Variants in DDX11 observed in about 807,000 individuals in gnomAD.
DDX11 encodes ATP-dependent DNA helicase DDX11.
Under a neutral mutation model 125.2 loss-of-function variants are expected in DDX11, and 72 were observed. That is an observed-to-expected ratio of 0.58 (90% confidence interval 0.48 to 0.70). The LOEUF is 0.70. Ranked by LOEUF, DDX11 falls within the 30% of genes least tolerant of loss-of-function variation. The pLI, the probability that DDX11 is intolerant of heterozygous loss-of-function variation, is 0.00. For missense variants in DDX11, 883 were observed against 1,165.0 expected, an observed-to-expected ratio of 0.76 and a Z score of 3.52; for synonymous variants, 347 against 452.6, an observed-to-expected ratio of 0.77 and a Z score of 2.96.
At chr12:31,094,439 G>A (rs1404042490) in intron 12 of DDX11, 151 bp from the exon 13 acceptor site, 19 of 1,430,914 alleles carry the variant, frequency 1.3e-5, no homozygotes, top group African/African-American at 7.1e-5. Context: ...CAGTGGGTCC[G>A]TTGCATGCTA....
chr12:31,077,422 G>A (rs1224566076), intron 1 of DDX11, among the ~76,000 whole-genome samples: 1 of 152,122 alleles, frequency 6.6e-6, no homozygotes, highest in Non-Finnish European at 1.5e-5. Flanking sequence ...TGTGAAGAGA[G>A]CTCTCCTGTC....
At position 31,103,787 on chromosome 12, in the gene DDX11, A is replaced by G; in HGVS notation, c.2692-20A>G. On this transcript the variant is annotated intron_variant, in intron 26 of 26. Coordinates refer to ENST00000542838, the MANE Select transcript of DDX11 (RefSeq NM_030653.4). ...TCCCCACCCCGAGATCACATTTCTC[A>G]CTGCCTTCTGTCTGCCCAGTTTCAC... 6.2e-7 allele frequency: 1 copy of G among 1,613,636 alleles called. No individual in the cohort carries two copies. The highest frequency in any genetic ancestry group is 8.5e-7 in the Non-Finnish European group (1 of 1,179,800).
At chr12:31,077,621 G>T (rs1940927832) in intron 1 of DDX11, among the ~76,000 whole-genome samples, 1 of 152,112 alleles carries the variant, frequency 6.6e-6, no homozygotes, top group African/African-American at 2.4e-5. Flanking sequence ...GCCAAGGCGG[G>T]CGGATCACGA....
chr12:31,092,146 G>A (rs1343116376), intron 10 of DDX11, among the ~76,000 whole-genome samples: 1 of 152,214 alleles, frequency 6.6e-6, no homozygotes, highest in Non-Finnish European at 1.5e-5. Flanking sequence ...CTGTAAGCCA[G>A]GGAGATGGCA....
intron 1 of DDX11, among the ~76,000 whole-genome samples, chr12:31,074,535 G>A (rs1346240595): frequency 6.6e-6 from 1 of 152,184 alleles, no homozygotes; most frequent in African/African-American, 2.4e-5. Flanking sequence ...CACTTGACCA[G>A]ATTGTTGACG....
At chr12:31,089,705 T>A (rs985488776) in intron 8 of DDX11, 181 bp from the exon 9 acceptor site, 30 of 1,293,416 alleles carry the variant, frequency 2.3e-5, no homozygotes, top group Non-Finnish European at 3.2e-5. Flanking sequence ...TACGGGCTCT[T>A]TCTGGAGAAC....
In DDX11 at chr12:31,096,302, G is replaced by A. The variant is rs530587095; in HGVS notation, c.1483-39G>A. On this transcript the variant is annotated intron_variant, in intron 14 of 26. Transcript: ENST00000542838. ...TGTTTTTAAGATTATAGCTTGCTCAGTTTGCACTCATGCCTACAGCTGGGC... is the reference window on the plus strand; with the variant it reads ...TGTTTTTAAGATTATAGCTTGCTCAATTTGCACTCATGCCTACAGCTGGGC... 6 of 1,417,412 alleles carry A rather than the reference G, an allele frequency of 4.2e-6. No homozygotes were observed. In the African/African-American group the frequency reaches 7.6e-5, roughly 18 times the overall value. The allele number at this position is 1,417,412 out of a possible 1,614,324, so 87.8% of individuals were successfully genotyped here.
intron 7 of DDX11, 34 bp downstream of exon 7, chr12:31,089,185 T>C (rs1265212354): frequency 7.6e-6 from 12 of 1,574,880 alleles, no homozygotes; most frequent in Admixed American, 1.7e-5. Flanking sequence ...CCAGGGGCCA[T>C]CCTGCTCCTT....
rs7299110 is a variant in DDX11 at position 31,085,210 on chromosome 12, A to G, written c.638+84A>G. On this transcript the variant is annotated intron_variant, in intron 5 of 26. Coordinates refer to ENST00000542838, the MANE Select transcript of DDX11 (RefSeq NM_030653.4). ...CTCTTTCCCTCATGCCACAGATGCC[A>G]TGAAGCACCTGGCAAGAGGCATGGT... The G allele has an allele frequency of 5.1e-3, 7,583 of 1,496,184 alleles. 164 individuals are homozygous for G. In the African/African-American group the frequency reaches 0.094, roughly 18 times the overall value. The allele number at this position is 1,496,184 out of a possible 1,614,324, so 92.7% of individuals were successfully genotyped here.
At chr12:31,078,300 G>A (rs1827939279) in intron 1 of DDX11, 90 bp from the exon 2 acceptor site, 1 of 1,610,636 alleles carries the variant, frequency 6.2e-7, no homozygotes. Flanking sequence ...TAATAAGTGT[G>A]GAGACTGCTC....
chr12:31,078,692 T>C (rs926156333), intron 2 of DDX11, among the ~76,000 whole-genome samples, 155 bp downstream of exon 2: 1 of 150,722 alleles, frequency 6.6e-6, no homozygotes, highest in African/African-American at 2.4e-5. Context: ...TTAAAGTCTT[T>C]TTTTTTTTTT....
intron 12 of DDX11, chr12:31,093,586 C>T (rs1239155277): frequency 1.1e-5 from 5 of 465,384 alleles, no homozygotes; most frequent in Non-Finnish European, 2.0e-5. Flanking sequence ...GGAGTGTTGC[C>T]GTGGCCTGTA....
At chr12:31,077,331 T>G (rs972386449) in intron 1 of DDX11, among the ~76,000 whole-genome samples, 1 of 152,166 alleles carries the variant, frequency 6.6e-6, no homozygotes, top group African/African-American at 2.4e-5. Context: ...GAGCAGAGTT[T>G]TTCTTAGACC....
At chr12:31,096,801 G>C in intron 16 of DDX11, 56 bp downstream of exon 16, 1 of 1,614,218 alleles carries the variant, frequency 6.2e-7, no homozygotes, top group Non-Finnish European at 8.5e-7. Flanking sequence ...AAGGACTTCT[G>C]TTCCTCATGT....
In DDX11 at chr12:31,102,526, C is replaced by G. The variant is rs759997809; in HGVS notation, c.2371C>G (p.Arg791Gly). The change falls in exon 23 of 27, where the codon CGG (arginine) becomes GGG (glycine). Residue 791 changes from arginine to glycine, a missense_variant and splice_region_variant. Physicochemically the swap from Arg to Gly is moderately radical, Grantham distance 125. This residue lies in a region of DDX11 where 285 missense variants were observed against 346.0 expected (regional missense o/e 0.82). Transcript: ENST00000542838. ...GATCAACTTCTCTGACAACCTAGGC[C>G]GGTAAGTAGTGGTTCTGCTCGTCTC... ...EGINFSDNLG[R>G]CVVMVGMPFP... 6.2e-7 allele frequency: 1 copy of G among 1,612,896 alleles called. No individual in the cohort carries two copies. Among genetic ancestry groups the G allele is most frequent in the Non-Finnish European group, 8.5e-7 (1 of 1,178,912 alleles).
At chr12:31,094,012 T>C (rs1944758794) in intron 12 of DDX11, among the ~76,000 whole-genome samples, 1 of 151,396 alleles carries the variant, frequency 6.6e-6, no homozygotes, top group Admixed American at 6.6e-5. Flanking sequence ...ATTTGAATCC[T>C]TGTTGATAGA....
chr12:31,081,452 C>CAAGTTTAAGGTCTATCAAGTTTA (rs1299885940), intron 2 of DDX11, among the ~76,000 whole-genome samples: 2 of 152,098 alleles, frequency 1.3e-5, no homozygotes, highest in African/African-American at 2.4e-5. Flanking sequence ...AAGCCTTATA[C>CAAGTTTAAGGTCTATCAAGTTTA]AGGTCTATCA....
rs1236415108 is a variant in DDX11, at chr12:31,101,958, G to A, written c.2178G>A (p.Leu726=). 1.2e-6 allele frequency: 2 copies of A among 1,613,106 alleles called. No homozygotes were observed. The highest frequency in any genetic ancestry group is 1.7e-6 in the Non-Finnish European group (2 of 1,179,712). The change falls in exon 21 of 27, where the codon CTG becomes CTA. Residue 726 remains leucine (L), a synonymous_variant. Coordinates refer to ENST00000542838, the MANE Select transcript of DDX11 (RefSeq NM_030653.4). ...CCCACTGGGAGAAGGGTGGCCTGCTGGGCCGTCTGGCTGCCAGGAAGAAGG... is the reference window on the plus strand; with the variant it reads ...CCCACTGGGAGAAGGGTGGCCTGCTAGGCCGTCTGGCTGCCAGGAAGAAGG... The part of the protein sequence containing the change: ...VHAHWEKGGL[L]GRLAARKKIF...
intron 5 of DDX11, 31 bp downstream of exon 5, chr12:31,085,157 C>G (rs1278140396): frequency 2.6e-6 from 4 of 1,550,210 alleles, no homozygotes; most frequent in Non-Finnish European, 3.5e-6. Flanking sequence ...CTACCCTGCC[C>G]CAGGCCAGGG....
Sources: allele counts gnomAD v4.1 joint callset (sites outside exome capture counted in the v4.1 genomes callset), GRCh38; gene constraint gnomAD v4.1.1; regional missense constraint gnomAD v4.1.1; transcripts MANE v1.5; gene names NCBI Gene and HGNC (gene_info 2026-07-23, HGNC 2026-07-21).